Variants in RFC3 observed in about 807,000 individuals in gnomAD.
RFC3 encodes replication factor C subunit 3.
A neutral mutation model predicts 45.1 loss-of-function variants in RFC3; 41 were observed. The observed-to-expected ratio is 0.91, with a 90% CI of 0.71 to 1.18. RFC3 has a LOEUF of 1.18. Ranked by LOEUF, RFC3 falls within the 50% of genes most tolerant of loss-of-function variation. RFC3 has a pLI of 0.00. For synonymous variants in RFC3, 149 were observed against 144.0 expected (o/e 1.03, Z -0.25); for missense variants, 423 against 428.1 (o/e 0.99, Z 0.10).
At chr13:33,870,991 T>C (rs1465448433) in intron 8 of RFC3, among the ~76,000 whole-genome samples, 1 of 152,210 alleles carries the variant, frequency 6.6e-6, no homozygotes, top group Non-Finnish European at 1.5e-5. Context: ...GTGTCCCCTG[T>C]AGACCCTCAG....
downstream of RFC3, among the ~76,000 whole-genome samples, chr13:33,838,289 T>A (rs867953013): frequency 7.9e-4 from 120 of 152,270 alleles, 1 homozygote; most frequent in Middle Eastern, 0.01. Context: ...CTACTTTTTT[T>A]AATATTTATG....
At chr13:33,902,982 C>CA (rs1257286706) in intron 8 of RFC3, among the ~76,000 whole-genome samples, 3 of 152,064 alleles carry the variant, frequency 2.0e-5, no homozygotes, top group African/African-American at 7.2e-5. Context: ...TCTTAGGCTG[C>CA]ATTCAAAGCC....
At chr13:33,977,287 G>A in the RFC3 span, among the ~76,000 whole-genome samples, 1 of 152,126 alleles carries the variant, frequency 6.6e-6, no homozygotes, top group Non-Finnish European at 1.5e-5. Context: ...TGTTAATAAT[G>A]AGGAAAATCG....
chr13:33,896,021 G>A (rs1442923777), intron 8 of RFC3, among the ~76,000 whole-genome samples: 1 of 151,976 alleles, frequency 6.6e-6, no homozygotes, highest in African/African-American at 2.4e-5. Flanking sequence ...GGGAGAGTGG[G>A]AGTGAAAGGA....
intron 8 of RFC3, among the ~76,000 whole-genome samples, chr13:33,890,111 C>A (rs144492656): frequency 3.6e-4 from 55 of 152,220 alleles, no homozygotes; most frequent in Non-Finnish European, 6.9e-4. Flanking sequence ...AGCCTTACGA[C>A]CTCCTGTTAA....
intron 4 of RFC3, 67 bp downstream of exon 4, chr13:33,825,953 T>C: frequency 4.1e-6 from 4 of 969,866 alleles, no homozygotes; most frequent in South Asian, 1.7e-5. Context: ...TTTTTTGAGT[T>C]ATGAAAGTGA....
At chr13:33,870,464 C>A (rs979625936) in intron 8 of RFC3, among the ~76,000 whole-genome samples, 1 of 152,164 alleles carries the variant, frequency 6.6e-6, no homozygotes, top group African/African-American at 2.4e-5. Flanking sequence ...TTGCAACAGC[C>A]ACCTGGAGCA....
chr13:33,900,519 A>C (rs533150147), intron 8 of RFC3, among the ~76,000 whole-genome samples: 31 of 147,924 alleles, frequency 2.1e-4, no homozygotes, highest in Admixed American at 1.7e-3. Context: ...GTCTATCACC[A>C]TATAGAAAAA....
At chr13:33,882,414 G>A (rs987455467) in intron 8 of RFC3, among the ~76,000 whole-genome samples, 12 of 152,120 alleles carry the variant, frequency 7.9e-5, no homozygotes, top group Non-Finnish European at 1.5e-4. Flanking sequence ...TGCATCTGTT[G>A]AAGCCCTAAT....
At chr13:33,915,835 G>A (rs2082729727) in intron 8 of RFC3, among the ~76,000 whole-genome samples, 2 of 152,054 alleles carry the variant, frequency 1.3e-5, no homozygotes, top group Admixed American at 6.6e-5. Flanking sequence ...GTCTCACTCT[G>A]TCACTCAGGC....
chr13:33,963,545 C>T (rs12560907), intron 8 of RFC3, among the ~76,000 whole-genome samples: 1 of 152,138 alleles, frequency 6.6e-6, no homozygotes, highest in Non-Finnish European at 1.5e-5. Context: ...GAGAGCAAAA[C>T]TTAGAGACTC....
chr13:33,956,367 C>T (rs542233014), intron 8 of RFC3, among the ~76,000 whole-genome samples: 1 of 152,176 alleles, frequency 6.6e-6, no homozygotes, highest in Non-Finnish European at 1.5e-5. Context: ...GCAGTGATTT[C>T]TGGGCCCACG....
chr13:33,946,951 A>C (rs1321811341), intron 8 of RFC3, among the ~76,000 whole-genome samples: 1 of 152,204 alleles, frequency 6.6e-6, no homozygotes, highest in Non-Finnish European at 1.5e-5. Context: ...TTGGAAATGC[A>C]CTGATTATTT....
intron 8 of RFC3, among the ~76,000 whole-genome samples, chr13:33,911,816 A>G (rs1475306947): frequency 3.3e-5 from 5 of 152,028 alleles, no homozygotes; most frequent in Non-Finnish European, 7.4e-5. Flanking sequence ...CCATGACCCA[A>G]ATACCTCCCA....
intron 1 of RFC3, among the ~76,000 whole-genome samples, chr13:33,820,820 G>A (rs923071077): frequency 2.5e-4 from 38 of 151,542 alleles, no homozygotes; most frequent in Non-Finnish European, 8.8e-5. Context: ...CCGCTTTCTA[G>A]CATTTAGTTT....
chr13:33,907,965 T>G (rs879329369), intron 8 of RFC3, among the ~76,000 whole-genome samples: 2 of 151,934 alleles, frequency 1.3e-5, no homozygotes, highest in Non-Finnish European at 2.9e-5. Flanking sequence ...AGGATATACA[T>G]GTTATATGTC....
chr13:33,970,981 C>T (rs555570210), downstream of RFC3, among the ~76,000 whole-genome samples: 3 of 152,232 alleles, frequency 2.0e-5, no homozygotes, highest in Admixed American at 2.0e-4. Flanking sequence ...ATGAGCCAAG[C>T]CTTGACATCT....
rs1485428571 is a variant in RFC3 at position 33,821,266 on chromosome 13, C to G, written c.222C>G (p.Ile74Met). 1 of 1,613,092 alleles carries G rather than the reference C, an allele frequency of 6.2e-7. No individual in the cohort carries two copies. The highest frequency in any genetic ancestry group is 1.1e-5 in the South Asian group (1 of 91,026). Residue 74 changes from isoleucine to methionine, a missense_variant, in exon 2 of 9, where the codon ATC becomes ATG. By Grantham distance (10) the Ile-to-Met change is conservative. Coordinates refer to ENST00000380071, the MANE Select transcript of RFC3 (RefSeq NM_002915.4). ...VEKLRIEHQT[I>M]TTPSKKKIEI... Reference sequence around the variant, plus strand: ...AATTGAGAATTGAACATCAGACCATCACAGTAAGCATTTCACTTTGAGGCC... The same window carrying G: ...AATTGAGAATTGAACATCAGACCATGACAGTAAGCATTTCACTTTGAGGCC...
chr13:33,889,672 A>G (rs371061407), intron 8 of RFC3, among the ~76,000 whole-genome samples: 2 of 152,184 alleles, frequency 1.3e-5, no homozygotes, highest in Admixed American at 6.5e-5. Flanking sequence ...CTTGCTGACT[A>G]TAACTTTGCA....
Sources: allele counts gnomAD v4.1 joint callset (sites outside exome capture counted in the v4.1 genomes callset), GRCh38; gene constraint gnomAD v4.1.1; transcripts MANE v1.5; gene names NCBI Gene and HGNC (gene_info 2026-07-23, HGNC 2026-07-21).